Variants in LRRCC1 observed in about 807,000 individuals in gnomAD.
LRRCC1 encodes the protein leucine-rich repeat and coiled-coil domain-containing protein 1.
In LRRCC1, 115 loss-of-function variants were observed where a neutral mutation model predicts 126.0. The ratio of observed to expected loss-of-function variants is 0.91; its 90% confidence interval spans 0.78 to 1.07. The LOEUF is 1.07. Ranked by LOEUF, LRRCC1 falls within the 50% of genes least tolerant of loss-of-function variation. The probability of loss-of-function intolerance (pLI) is 0.00; values close to 1 mark genes in which losing one functional copy is unlikely to be tolerated. For missense variants in LRRCC1, 1,172 were observed against 1,175.7 expected, an observed-to-expected ratio of 1.00 and a Z score of 0.05; for synonymous variants, 400 against 393.4, an observed-to-expected ratio of 1.02 and a Z score of -0.20.
Position 85,113,482 on chromosome 8 carries a change from T to C in LRRCC1, c.544+383T>C, listed in dbSNP as rs529025755. On this transcript the variant is annotated intron_variant, in intron 4 of 18. Transcript: ENST00000360375. ...GGAAGAAAAGCAGGTTGCAAAGTAC[T>C]GCACACAGTAGGCCACCATTTGTGT... Among the ~76,000 whole-genome samples the C allele has an allele frequency of 1.2e-4, 19 of 152,272 alleles. No individual in the cohort carries two copies. In the South Asian group the frequency reaches 2.3e-3, roughly 18 times the overall value.
At position 85,115,266 on chromosome 8, in the gene LRRCC1, T is replaced by C. The variant is rs1809022044; in HGVS notation, c.711T>C (p.Ser237=). Residue 237 remains serine (S), a synonymous_variant, in exon 5 of 19, where the codon AGT becomes AGC. Coordinates refer to ENST00000360375, the MANE Select transcript of LRRCC1 (RefSeq NM_033402.5). ...CTTCTGATTCTCCCCTAAATATAAG[T>C]GAAGATGAGGTATAGTATTTACTTT... ...LVSSDSPLNI[S]EDEIIDRMPV... The C allele has an allele frequency of 6.2e-7, 1 of 1,602,260 alleles. No homozygotes were observed. The highest frequency in any genetic ancestry group is 1.3e-5 in the African/African-American group (1 of 74,178).
rs766385022 is a variant in LRRCC1 at position 85,141,555 on chromosome 8, T to G, written c.2976+38T>G. 2.1e-6 allele frequency: 3 copies of G among 1,415,108 alleles called. No individual in the cohort carries two copies. In the East Asian group the frequency reaches 7.2e-5, roughly 34 times the overall value. The allele number at this position is 1,415,108 out of a possible 1,614,324, so 87.7% of individuals were successfully genotyped here. ...AAATTCACTTCAATAATCAGTATAT[T>G]ACATGATTATAGCTAAATAAATTAG... On this transcript the variant is annotated intron_variant, in intron 18 of 18. Transcript: ENST00000360375.
In LRRCC1 at chr8:85,138,040, A is replaced by G. The variant is rs942741239; in HGVS notation, c.2499A>G (p.Leu833=). 9 of 1,533,756 alleles carry G rather than the reference A, an allele frequency of 5.9e-6. No homozygotes were observed. The Admixed American group carries it at 6.4e-5, about 11-fold the overall frequency. The part of the protein sequence containing the change: ...TETIRKLKDC[L]QEKDEHIKRL... ...TGCCAATTTTTTTCTTAAAGTGTTT[A>G]CAAGAAAAAGATGAACACATCAAAA... Residue 833 remains leucine (L), a synonymous_variant, in exon 16 of 19, where the codon TTA becomes TTG. Transcript: ENST00000360375.
intron 14 of LRRCC1, 83 bp from the exon 15 acceptor site, chr8:85,137,381 T>C: frequency 1.3e-6 from 1 of 781,318 alleles, no homozygotes. Context: ...TTATTATTAT[T>C]ATATTACAGT....
rs760157013 is a variant in LRRCC1, at chr8:85,110,176, T to C, written c.372T>C (p.Leu124=). Residue 124 remains leucine (L), a synonymous_variant, in exon 3 of 19, where the codon CTT becomes CTC. Coordinates refer to ENST00000360375, the MANE Select transcript of LRRCC1 (RefSeq NM_033402.5). The stretch of plus-strand genomic sequence containing the variant: ...TATCTTATAACCACATAGATGATCT[T>C]AGTGGTAAGTAGAAATGCTTATGTT... ...LNVSYNHIDD[L]SGLIPLHGIK... The C allele has an allele frequency of 7.8e-7, 1 of 1,284,302 alleles. No homozygotes were observed. Among genetic ancestry groups the C allele is most frequent in the Non-Finnish European group, 1.1e-6 (1 of 930,624 alleles). The allele number at this position is 1,284,302 out of a possible 1,614,324, so 79.6% of individuals were successfully genotyped here. A position where few individuals can be genotyped will look rare whatever the true frequency, so the allele number is the denominator to read the frequency against.
chr8:85,114,416 T>A (rs1808950506), intron 4 of LRRCC1, among the ~76,000 whole-genome samples: 1 of 152,128 alleles, frequency 6.6e-6, no homozygotes, highest in Non-Finnish European at 1.5e-5. Flanking sequence ...TTTGCCAGAC[T>A]TCTTTCTTAC....
chr8:85,108,158 C>T (rs1460316030), intron 1 of LRRCC1, among the ~76,000 whole-genome samples: 2 of 152,234 alleles, frequency 1.3e-5, no homozygotes, highest in African/African-American at 4.8e-5. Context: ...TGCCTTTGCA[C>T]ATGCTGTTCC....
chr8:85,135,787 AG>A lies in LRRCC1; in HGVS notation c.2155-1del. On this transcript the variant is annotated splice_acceptor_variant, in intron 13 of 18. Coordinates refer to ENST00000360375, the MANE Select transcript of LRRCC1 (RefSeq NM_033402.5). LOFTEE classifies it high-confidence loss of function. ...CTTATTTTTTTTTTTGGGAATATAC[AG>A]AATCAAATCAACACCCTTGAAATTT... 1 of 1,480,980 alleles carries A rather than the reference AG, an allele frequency of 6.8e-7. No homozygotes were observed. Among genetic ancestry groups the A allele is most frequent in the Non-Finnish European group, 9.0e-7 (1 of 1,110,920 alleles). The allele number at this position is 1,480,980 out of a possible 1,614,324, so 91.7% of individuals were successfully genotyped here. A position where few individuals can be genotyped will look rare whatever the true frequency, so the allele number is the denominator to read the frequency against.
Position 85,138,405 on chromosome 8 carries a change from G to A in LRRCC1, c.2770G>A (p.Val924Met). 1 of 1,612,614 alleles carries A rather than the reference G, an allele frequency of 6.2e-7. No homozygotes were observed. The highest frequency in any genetic ancestry group is 8.5e-7 in the Non-Finnish European group (1 of 1,179,338). Residue 924 changes from valine (V) to methionine (M), a missense_variant, in exon 17 of 19, where the codon GTG (valine) becomes ATG (methionine). Physicochemically the swap from Val to Met is conservative, Grantham distance 21 (BLOSUM62 1). Transcript: ENST00000360375. ...TCATCTTGAAACACAAGTAAAAGAAGTGAAAGAAAAATTTGAAAACAAGGA... is the reference window on the plus strand; with the variant it reads ...TCATCTTGAAACACAAGTAAAAGAAATGAAAGAAAAATTTGAAAACAAGGA... ...LCHLETQVKE[V>M]KEKFENKEKK...
In LRRCC1 at chr8:85,107,250, C is replaced by T. The variant is rs1184512204; in HGVS notation, c.-46C>T. On this transcript the variant is annotated 5_prime_UTR_variant, in exon 1 of 19. Coordinates refer to ENST00000360375, the MANE Select transcript of LRRCC1 (RefSeq NM_033402.5). Reference sequence around the variant, plus strand: ...GGAGGCTTGTCCCAAGCTCACGGACCCCTCGCTGGGTGCCGGTTAAGACCC... The same window carrying T: ...GGAGGCTTGTCCCAAGCTCACGGACTCCTCGCTGGGTGCCGGTTAAGACCC... 1 of 1,560,022 alleles carries T rather than the reference C, an allele frequency of 6.4e-7. No individual in the cohort carries two copies. The highest frequency in any genetic ancestry group is 8.7e-7 in the Non-Finnish European group (1 of 1,150,562).
Position 85,129,220 on chromosome 8 carries a change from C to T in LRRCC1, c.1467C>T (p.Leu489=), listed in dbSNP as rs750190838. The T allele has an allele frequency of 1.2e-5, 19 of 1,612,416 alleles. No homozygotes were observed. The Admixed American group carries it at 2.0e-4, about 17-fold the overall frequency. The part of the protein sequence containing the change: ...IFRERNSKGQ[L]EVMVHKLQNE... ...GAGAGAGAAATTCCAAAGGACAACTCGAAGTTATGGTTCACAAACTTCAAA... is the reference window on the plus strand; with the variant it reads ...GAGAGAGAAATTCCAAAGGACAACTTGAAGTTATGGTTCACAAACTTCAAA... Residue 489 remains leucine (L), a synonymous_variant, in exon 10 of 19, where the codon CTC becomes CTT. Coordinates refer to ENST00000360375, the MANE Select transcript of LRRCC1 (RefSeq NM_033402.5).
At chr8:85,124,158 G>A (rs1809781574) in intron 7 of LRRCC1, among the ~76,000 whole-genome samples, 1 of 152,096 alleles carries the variant, frequency 6.6e-6, no homozygotes, top group East Asian at 1.9e-4. Flanking sequence ...TTCATAATTG[G>A]GATCACCATG....
At chr8:85,137,743 G>T in intron 15 of LRRCC1, 116 bp downstream of exon 15, 1 of 702,858 alleles carries the variant, frequency 1.4e-6, no homozygotes, top group Non-Finnish European at 2.2e-6. Context: ...ATTTGGGGTA[G>T]ATATCATGCA....
At chr8:85,129,438 C>A in intron 10 of LRRCC1, 59 bp downstream of exon 10, 1 of 1,384,820 alleles carries the variant, frequency 7.2e-7, no homozygotes, top group Non-Finnish European at 1.0e-6. Flanking sequence ...TAGCTTCTAT[C>A]GTGAAACAAA....
intron 18 of LRRCC1, among the ~76,000 whole-genome samples, chr8:85,142,653 A>G (rs183819553): frequency 1.3e-5 from 2 of 152,036 alleles, no homozygotes; most frequent in Non-Finnish European, 2.9e-5. Flanking sequence ...AACAAGGTGA[A>G]ACCCCATCTC....
In LRRCC1 at chr8:85,138,427, A is replaced by C. The variant is rs1811025996; in HGVS notation, c.2792A>C (p.Lys931Thr). 1.9e-6 allele frequency: 3 copies of C among 1,612,816 alleles called. No individual in the cohort carries two copies. Among genetic ancestry groups the C allele is most frequent in the Non-Finnish European group, 2.5e-6 (3 of 1,179,634 alleles). ...GAAGTGAAAGAAAAATTTGAAAACA[A>C]GGAAAAGAAACTTAAAGCGGAAAGA... ...VKEVKEKFEN[K>T]EKKLKAERDK... Residue 931 changes from lysine to threonine, a missense_variant, in exon 17 of 19, where the codon AAG becomes ACG. Lys to Thr is a moderately conservative substitution (Grantham distance 78, BLOSUM62 -1). Transcript: ENST00000360375.
rs758402561 is a variant in LRRCC1 at position 85,141,460 on chromosome 8, T to C, written c.2919T>C (p.Ala973=). The C allele has an allele frequency of 1.2e-6, 2 of 1,613,436 alleles. No individual in the cohort carries two copies. The highest frequency in any genetic ancestry group is 1.7e-5 in the Admixed American group (1 of 59,976). The part of the protein sequence containing the change: ...QVDAIVEAHQ[A]EIAQLANEKQ... ...ATGCAATTGTTGAAGCTCATCAAGC[T>C]GAAATAGCACAGCTGGCCAATGAAA... is the stretch of plus-strand genomic sequence containing the variant. Residue 973 remains alanine, a synonymous_variant, in exon 18 of 19, where the codon GCT becomes GCC. Transcript: ENST00000360375.
chr8:85,128,433 C>A lies in LRRCC1; in HGVS notation c.1422-742C>A, dbSNP rs557622784. 3.7e-4 allele frequency among the ~76,000 whole-genome samples: 50 copies of A among 136,842 alleles called. 1 individual carries two copies. In the South Asian group the frequency reaches 0.013, roughly 35 times the overall value. The allele number at this position is 136,842 out of a possible 152,430, so 89.8% of individuals were successfully genotyped here. A position where few individuals can be genotyped will look rare whatever the true frequency, so the allele number is the denominator to read the frequency against. Reference sequence around the variant, plus strand: ...TTATCTGTGCCACCCCCCCACCCCCCCCACCACCACATGTTTGTTTGAGAT... The same window carrying A: ...TTATCTGTGCCACCCCCCCACCCCCACCACCACCACATGTTTGTTTGAGAT... On this transcript the variant is annotated intron_variant, in intron 9 of 18. Transcript: ENST00000360375.
chr8:85,129,399 T>C lies in LRRCC1; in HGVS notation c.1626+20T>C, dbSNP rs1420022278. ...GCACAGGTATTTCTCTATTTTAATA[T>C]ATGAGTAGCACAGATTAACACAAAT... is the stretch of plus-strand genomic sequence containing the variant. On this transcript the variant is annotated intron_variant, in intron 10 of 18. Coordinates refer to ENST00000360375, the MANE Select transcript of LRRCC1 (RefSeq NM_033402.5). The C allele has an allele frequency of 1.9e-6, 3 of 1,572,354 alleles. No homozygotes were observed. In the East Asian group the frequency reaches 6.7e-5, roughly 35 times the overall value.
Sources: gnomAD v4.1 joint callset for allele counts (sites outside exome capture counted in the v4.1 genomes callset) on GRCh38, gnomAD v4.1.1 for gene constraint, MANE v1.5 for transcripts, NCBI Gene and HGNC (gene_info 2026-07-23, HGNC 2026-07-21) for gene names.